Variants in SLC2A13 observed in about 807,000 individuals in gnomAD.
SLC2A13 encodes proton myo-inositol cotransporter.
In SLC2A13, 32 loss-of-function variants were observed where a neutral mutation model predicts 64.4. That is an observed-to-expected ratio of 0.50 (90% confidence interval 0.37 to 0.67). The LOEUF (loss-of-function observed/expected upper bound fraction) is 0.67, where lower values mean the gene tolerates loss of function less well. SLC2A13 is among the 30% of genes least tolerant of loss of function. SLC2A13 has a pLI of 0.00. For synonymous variants in SLC2A13, 338 were observed against 327.1 expected, an observed-to-expected ratio of 1.03 and a Z score of -0.36; for missense variants, 743 against 829.2, an observed-to-expected ratio of 0.90 and a Z score of 1.28.
intron 3 of SLC2A13, among the ~76,000 whole-genome samples, chr12:40,020,632 T>C (rs1002515308): frequency 2.6e-5 from 4 of 151,988 alleles, no homozygotes; most frequent in African/African-American, 9.7e-5. Flanking sequence ...CTTGTTAAAC[T>C]AAAATGTCCC....
chr12:39,774,006 G>C (rs1404368614), intron 7 of SLC2A13, among the ~76,000 whole-genome samples: 2 of 152,098 alleles, frequency 1.3e-5, no homozygotes, highest in Admixed American at 1.3e-4. Context: ...GATTTTTCTG[G>C]ACAAGGTCCC....
chr12:39,765,954 A>G (rs1202370190), intron 7 of SLC2A13, among the ~76,000 whole-genome samples: 1 of 151,936 alleles, frequency 6.6e-6, no homozygotes, highest in African/African-American at 2.4e-5. Flanking sequence ...TTCAGCTCCC[A>G]ATTATATGTG....
intron 3 of SLC2A13, among the ~76,000 whole-genome samples, chr12:39,958,378 G>A (rs1946353644): frequency 6.6e-6 from 1 of 152,188 alleles, no homozygotes; most frequent in African/African-American, 2.4e-5. Flanking sequence ...GCCACTGTGA[G>A]ATTCTGTAAG....
intron 6 of SLC2A13, among the ~76,000 whole-genome samples, chr12:39,856,518 G>GCA (rs1943612704): frequency 6.6e-6 from 1 of 152,078 alleles, no homozygotes; most frequent in Admixed American, 6.5e-5. Context: ...ACAGGCGCAT[G>GCA]CCACCATGCC....
intron 6 of SLC2A13, among the ~76,000 whole-genome samples, chr12:39,863,750 T>C (rs1943827701): frequency 6.6e-6 from 1 of 152,184 alleles, no homozygotes; most frequent in African/African-American, 2.4e-5. Flanking sequence ...CGTGCTATGA[T>C]GCCTATTTTC....
In SLC2A13 at chr12:39,943,200, G is replaced by A. The variant is rs574890498; in HGVS notation, c.1034+8057C>T. Among the ~76,000 whole-genome samples the A allele has an allele frequency of 2.0e-5, 3 of 152,306 alleles. No homozygotes were observed. In the South Asian group the frequency reaches 6.2e-4, roughly 32 times the overall value. On this transcript the variant is annotated intron_variant, in intron 4 of 9. Coordinates refer to ENST00000280871, the MANE Select transcript of SLC2A13 (RefSeq NM_052885.4). ...ATGAGGTGTCTGTCGACCCCTGCTG[G>A]GAGGTGTCTCCCAGTCAGGAGGCAT...
intron 3 of SLC2A13, among the ~76,000 whole-genome samples, chr12:40,000,318 CA>C (rs1947302158): frequency 7.4e-6 from 1 of 135,780 alleles, no homozygotes; most frequent in Non-Finnish European, 1.6e-5. Context: ...ACAACAGCAA[CA>C]AAACCCAAAA....
Position 39,759,816 on chromosome 12 carries a change from C to G in SLC2A13, c.*210G>C, listed in dbSNP as rs189207019. 10 of 521,392 alleles carry G rather than the reference C, an allele frequency of 1.9e-5. No homozygotes were observed. The highest frequency in any genetic ancestry group is 1.5e-4 in the African/African-American group (8 of 51,720). The allele number at this position is 521,392 out of a possible 1,614,324, so 32.3% of individuals were successfully genotyped here. On this transcript the variant is annotated 3_prime_UTR_variant, in exon 10 of 10. Coordinates refer to ENST00000280871, the MANE Select transcript of SLC2A13 (RefSeq NM_052885.4). ...TGCTTAAGAATTATTAGATTAAAAT[C>G]TCTGTAAATATTTTTTAAAATATTG... is the stretch of plus-strand genomic sequence containing the variant.
intron 1 of SLC2A13, among the ~76,000 whole-genome samples, chr12:40,086,812 T>C (rs2624245): frequency 1 from 152,123 of 152,334 alleles, 75,957 homozygotes; most frequent in Non-Finnish European, 1. Flanking sequence ...CTGGACCTAA[T>C]ACTGCAGTAT....
intron 3 of SLC2A13, among the ~76,000 whole-genome samples, chr12:39,972,875 C>T (rs891898337): frequency 7.9e-5 from 12 of 152,104 alleles, no homozygotes; most frequent in Admixed American, 6.5e-4. Flanking sequence ...CGAGACCAGC[C>T]TGACCAACAT....
intron 1 of SLC2A13, among the ~76,000 whole-genome samples, chr12:40,098,841 C>T (rs1327922094): frequency 6.6e-6 from 1 of 152,208 alleles, no homozygotes; most frequent in Non-Finnish European, 1.5e-5. Context: ...TTAAGTACTA[C>T]GTCCAGGGTG....
rs139972089 is a variant in SLC2A13 at position 39,829,806 on chromosome 12, G to T, written c.1445+297C>A. The T allele has an allele frequency of 1.7e-4, 59 of 351,924 alleles. No individual in the cohort carries two copies. In the East Asian group the frequency reaches 3.4e-3, roughly 20 times the overall value. 21.8% of individuals were successfully genotyped at this position (351,924 alleles called of 1,614,324 possible). The stretch of plus-strand genomic sequence containing the variant: ...CAGTGCAATTAAACAATATGCAGTG[G>T]GAGAAATTGCCTTGGCAGTATTTGT... On this transcript the variant is annotated intron_variant, in intron 7 of 9. Coordinates refer to ENST00000280871, the MANE Select transcript of SLC2A13 (RefSeq NM_052885.4).
intron 3 of SLC2A13, among the ~76,000 whole-genome samples, chr12:39,972,020 T>TATATATATATATATATATATATA (rs1210530678): frequency 1.7e-5 from 1 of 58,490 alleles, no homozygotes; most frequent in African/African-American, 9.2e-5. Flanking sequence ...ATATATTTTT[T>TATATATATATATATATATATATA]TTTATATAAA....
intron 4 of SLC2A13, among the ~76,000 whole-genome samples, chr12:39,878,405 G>A (rs761113179): frequency 7.9e-5 from 12 of 152,172 alleles, no homozygotes; most frequent in African/African-American, 2.9e-4. Flanking sequence ...TGATATGGAC[G>A]GTGAAGTCTA....
At chr12:39,771,497 C>G (rs1034478321) in intron 7 of SLC2A13, among the ~76,000 whole-genome samples, 2 of 152,090 alleles carry the variant, frequency 1.3e-5, no homozygotes, top group Non-Finnish European at 2.9e-5. Flanking sequence ...CCACAAATTA[C>G]TGAATTCTGC....
intron 2 of SLC2A13, among the ~76,000 whole-genome samples, chr12:40,031,942 C>T (rs879536294): frequency 1.6e-4 from 25 of 152,140 alleles, no homozygotes; most frequent in Admixed American, 9.2e-4. Context: ...TATTGTGATA[C>T]ACTGGGGCAG....
intron 4 of SLC2A13, among the ~76,000 whole-genome samples, chr12:39,933,169 C>T (rs907453175): frequency 6.6e-6 from 1 of 152,176 alleles, no homozygotes; most frequent in Non-Finnish European, 1.5e-5. Context: ...GCAGAGGTTA[C>T]AGTCAGCTGA....
chr12:39,967,292 C>T (rs1014766679), intron 3 of SLC2A13, among the ~76,000 whole-genome samples: 1 of 152,146 alleles, frequency 6.6e-6, no homozygotes, highest in Non-Finnish European at 1.5e-5. Flanking sequence ...GATGTAGACA[C>T]AATCCTAGCC....
Position 40,105,788 on chromosome 12 carries a change from C to T in SLC2A13, c.21G>A (p.Glu7=). The T allele has an allele frequency of 6.7e-7, 1 of 1,485,396 alleles. No homozygotes were observed. The highest frequency in any genetic ancestry group is 8.9e-7 in the Non-Finnish European group (1 of 1,117,962). 92.0% of individuals were successfully genotyped at this position (1,485,396 alleles called of 1,614,324 possible). A position where few individuals can be genotyped will look rare whatever the true frequency, so the allele number is the denominator to read the frequency against. Residue 7 remains glutamate, a synonymous_variant, in exon 1 of 10, where the codon GAG becomes GAA. Transcript: ENST00000280871. This position sits in a 1 kb window ranked among gnomAD's most constrained non-coding sequence, Gnocchi z 4.2. MSRKAS[E]NVEYTLRSLS... The stretch of plus-strand genomic sequence containing the variant: ...GGCTCCGCAGCGTGTACTCCACATT[C>T]TCGCTTGCCTTGCGGGACATAGGGC...
Sources: gnomAD v4.1 joint callset for allele counts (sites outside exome capture counted in the v4.1 genomes callset) on GRCh38, gnomAD v4.1.1 for gene constraint, Gnocchi (gnomAD v3.1) non-coding constraint, MANE v1.5 for transcripts, NCBI Gene and HGNC (gene_info 2026-07-23, HGNC 2026-07-21) for gene names.